ANKRD37: variants seen among roughly 807,000 people sequenced by gnomAD.
The protein encoded by ANKRD37 is ankyrin repeat domain-containing protein 37.
Under a neutral mutation model 19.7 loss-of-function variants are expected in ANKRD37, and 17 were observed. The ratio of observed to expected loss-of-function variants is 0.86; its 90% CI spans 0.59 to 1.29. The LOEUF (loss-of-function observed/expected upper bound fraction) is 1.29. Ranked by LOEUF, ANKRD37 falls within the 50% of genes most tolerant of loss-of-function variation. ANKRD37 has a pLI of 0.00. For synonymous variants in ANKRD37, 79 were observed against 74.5 expected, an observed-to-expected ratio of 1.06 and a Z score of -0.31; for missense variants, 207 against 190.4, an observed-to-expected ratio of 1.09 and a Z score of -0.51.
rs754163591 is a variant in ANKRD37 at position 185,399,611 on chromosome 4, G to A, written c.314G>A (p.Trp105Ter). ...KNGQTAEDLAWSCGFPDCAKF... is the reference protein window; with the variant it reads ...KNGQTAEDLA Reference sequence around the variant, plus strand: ...GGGCAAACAGCTGAAGATCTCGCTTGGTCATGTGGATTTCCAGACTGTGCC... The same window carrying A: ...GGGCAAACAGCTGAAGATCTCGCTTAGTCATGTGGATTTCCAGACTGTGCC... Residue 105 changes from tryptophan to a stop codon, truncating the protein, a stop_gained, in exon 4 of 5, where the codon TGG becomes TAG. Transcript: ENST00000335174. LOFTEE classifies it high-confidence loss of function. 6.2e-7 allele frequency: 1 copy of A among 1,614,052 alleles called. No individual in the cohort carries two copies. Among genetic ancestry groups the A allele is most frequent in the East Asian group, 2.2e-5 (1 of 44,900 alleles).
At chr4:185,398,053 G>C (rs958132193) in intron 2 of ANKRD37, among the ~76,000 whole-genome samples, 1 of 152,194 alleles carries the variant, frequency 6.6e-6, no homozygotes, top group Non-Finnish European at 1.5e-5. Flanking sequence ...TGCTTCTTGG[G>C]TTCAAGAGAT....
downstream of ANKRD37, chr4:185,400,436 C>T (rs1260563770): frequency 1.2e-6 from 2 of 1,613,776 alleles, no homozygotes; most frequent in African/African-American, 2.7e-5. Context: ...TTATAGTATG[C>T]ATCCTTGTTC....
Position 185,400,052 on chromosome 4 carries a change from C to T in ANKRD37, c.*35C>T, listed in dbSNP as rs1232594895. ...GGTTATGAAGAAGTCTGAAGAACGC[C>T]TTCATTTCATGCAAATCTATAAGCT... On this transcript the variant is annotated 3_prime_UTR_variant, in exon 5 of 5. Transcript: ENST00000335174. 2 of 1,552,688 alleles carry T rather than the reference C, an allele frequency of 1.3e-6. No homozygotes were observed. The highest frequency in any genetic ancestry group is 1.8e-6 in the Non-Finnish European group (2 of 1,132,892).
intron 1 of ANKRD37, 62 bp from the exon 2 acceptor site, chr4:185,397,088 C>G: frequency 6.2e-7 from 1 of 1,608,962 alleles, no homozygotes; most frequent in Non-Finnish European, 8.5e-7. Context: ...AGGTTTCCAG[C>G]CCGGAGGGGC....
At chr4:185,399,078 T>G in intron 3 of ANKRD37, 50 bp downstream of exon 3, 2 of 1,456,692 alleles carry the variant, frequency 1.4e-6, no homozygotes, top group Non-Finnish European at 1.9e-6. Flanking sequence ...TGGATTAAAC[T>G]AATCAGACTC....
intron 2 of ANKRD37, 116 bp from the exon 3 acceptor site, chr4:185,398,821 G>A (rs1250486237): frequency 1.7e-6 from 1 of 595,930 alleles, no homozygotes; most frequent in Admixed American, 3.1e-5. Flanking sequence ...AAAATTCCCT[G>A]TCCAGTACAA....
downstream of ANKRD37, chr4:185,400,568 C>G: frequency 1.1e-6 from 1 of 898,550 alleles, no homozygotes; most frequent in Non-Finnish European, 1.7e-6. Context: ...TCAGCAGGAC[C>G]TTGGAATAAG....
chr4:185,397,457 G>C, intron 2 of ANKRD37, 155 bp downstream of exon 2: 1 of 1,096,002 alleles, frequency 9.1e-7, no homozygotes, highest in Non-Finnish European at 1.2e-6. Context: ...TGTAATTTAA[G>C]AGTTTTTTTC....
intron 1 of ANKRD37, 96 bp downstream of exon 1, chr4:185,397,046 T>C (rs962456079): frequency 2.5e-6 from 4 of 1,610,200 alleles, no homozygotes; most frequent in African/African-American, 2.7e-5. Flanking sequence ...CACTGGGCGC[T>C]GCCTGGTCAG....
intron 3 of ANKRD37, 61 bp from the exon 4 acceptor site, chr4:185,399,509 A>T: frequency 1.4e-6 from 2 of 1,478,152 alleles, no homozygotes; most frequent in South Asian, 1.2e-5. Context: ...CCCTTGTAAG[A>T]TATAAAAAAA....
Position 185,399,716 on chromosome 4 carries a change from TCAGA to T in ANKRD37, c.424_427del (p.Gln142AsnfsTer7). On this transcript the variant is annotated frameshift_variant, in exon 4 of 5. Transcript: ENST00000335174. LOFTEE classifies it high-confidence loss of function. ...GACAGGAATGATTGTGTTGCCGTGC[TCAGA>T]CAGAAACGGAGTCTCGGAAGTGTAG... is the stretch of plus-strand genomic sequence containing the variant. The T allele has an allele frequency of 3.1e-6, 5 of 1,614,170 alleles. No individual in the cohort carries two copies. The highest frequency in any genetic ancestry group is 4.2e-6 in the Non-Finnish European group (5 of 1,180,028).
At chr4:185,397,413 C>A in intron 2 of ANKRD37, 111 bp downstream of exon 2, 2 of 1,323,496 alleles carry the variant, frequency 1.5e-6, no homozygotes, top group Non-Finnish European at 2.0e-6. Flanking sequence ...TCTATAGCAG[C>A]GATGTCCAAC....
chr4:185,398,794 CAA>C (rs34434090), intron 2 of ANKRD37, 141 bp from the exon 3 acceptor site: 7,740 of 250,208 alleles, frequency 0.031, no homozygotes, highest in Middle Eastern at 0.043. Context: ...TGTTCTCTGC[CAA>C]AAAAAAAAAA....
chr4:185,398,770 C>G (rs182237842), intron 2 of ANKRD37, among the ~76,000 whole-genome samples, 167 bp from the exon 3 acceptor site: 2 of 139,236 alleles, frequency 1.4e-5, no homozygotes, highest in South Asian at 4.5e-4. Flanking sequence ...AATAAACCCA[C>G]GAAAAGTTTT....
Position 185,399,027 on chromosome 4 carries a change from G to T in ANKRD37, c.271G>T (p.Asp91Tyr). 2 of 1,613,174 alleles carry T rather than the reference G, an allele frequency of 1.2e-6. No individual in the cohort carries two copies. Among genetic ancestry groups the T allele is most frequent in the South Asian group, 2.2e-5 (2 of 90,984 alleles). The change falls in exon 3 of 5, where the codon GAT (aspartate) becomes TAT (tyrosine). Residue 91 changes from aspartate (D) to tyrosine (Y), a missense_variant and splice_region_variant. Asp to Tyr is a radical substitution (Grantham distance 160). Coordinates refer to ENST00000335174, the MANE Select transcript of ANKRD37 (RefSeq NM_181726.4). The stretch of plus-strand genomic sequence containing the variant: ...GCTTGTAGCCAGTGATGCCCAAATT[G>T]AGTGAGTATGAAAACAGTGGCTTCA... Reference protein sequence around the residue: ...SLLVASDAQIDLCNKNGQTAE... With the variant: ...SLLVASDAQIYLCNKNGQTAE...
intron 2 of ANKRD37, chr4:185,397,715 C>T (rs2095506970): frequency 5.6e-6 from 1 of 180,030 alleles, no homozygotes; most frequent in Non-Finnish European, 1.2e-5. Flanking sequence ...TGTTGACTAT[C>T]ATATTGAACA....
chr4:185,399,986 G>C, intron 4 of ANKRD37, 31 bp from the exon 5 acceptor site: 3 of 1,597,692 alleles, frequency 1.9e-6, no homozygotes, highest in Non-Finnish European at 2.6e-6. Context: ...TTAAAAAAAA[G>C]TTTTTAATGT....
intron 2 of ANKRD37, chr4:185,397,561 C>A: frequency 2.2e-6 from 1 of 452,714 alleles, no homozygotes; most frequent in Non-Finnish European, 3.9e-6. Flanking sequence ...CCAATTTGTC[C>A]AAAATGTTAT....
downstream of ANKRD37, chr4:185,400,342 T>C: frequency 7.2e-7 from 1 of 1,391,850 alleles, no homozygotes; most frequent in Non-Finnish European, 1.0e-6. Flanking sequence ...TGATTCTTTA[T>C]TCACAAATTT....
Sources: allele counts gnomAD v4.1 joint callset (sites outside exome capture counted in the v4.1 genomes callset), GRCh38; gene constraint gnomAD v4.1.1; transcripts MANE v1.5; gene names NCBI Gene and HGNC (gene_info 2026-07-23, HGNC 2026-07-21).